Variants in CDK14 observed in about 807,000 individuals in gnomAD.
The protein encoded by CDK14 is cyclin-dependent kinase 14.
In CDK14, 34 loss-of-function variants were observed where a neutral mutation model predicts 60.7. The ratio of observed to expected loss-of-function variants is 0.56; its 90% CI spans 0.43 to 0.75. The LOEUF (loss-of-function observed/expected upper bound fraction) is 0.75. Ranked by LOEUF, CDK14 falls within the 30% of genes least tolerant of loss-of-function variation. The probability of loss-of-function intolerance (pLI) is 0.00; values close to 1 mark genes in which losing one functional copy is unlikely to be tolerated. For synonymous variants in CDK14, 197 were observed against 203.7 expected (o/e 0.97, Z 0.28); for missense variants, 482 against 564.1 (o/e 0.85, Z 1.47).
intron 9 of CDK14, among the ~76,000 whole-genome samples, chr7:90,974,503 C>T (rs988293528): frequency 6.6e-6 from 1 of 152,116 alleles, no homozygotes; most frequent in African/African-American, 2.4e-5. Context: ...CAGCCAGTCC[C>T]TCTGTTCTGG....
In CDK14 at chr7:90,984,048, A is replaced by G. The variant is rs1795312853; in HGVS notation, c.948-100A>G. The G allele has an allele frequency of 3.9e-6, 3 of 777,792 alleles. No homozygotes were observed. The Admixed American group carries it at 6.0e-5, about 16-fold the overall frequency. The allele number at this position is 777,792 out of a possible 1,614,324, so 48.2% of individuals were successfully genotyped here. ...AGGGGAAAAAGGAAACAGTTTACTC[A>G]CCGCTTCTCTTCTGTAGGAGTGGAT... On this transcript the variant is annotated intron_variant, in intron 9 of 14. Coordinates refer to ENST00000380050, the MANE Select transcript of CDK14 (RefSeq NM_001287135.2).
At chr7:90,826,616 T>G (rs1789732085) in intron 5 of CDK14, among the ~76,000 whole-genome samples, 1 of 152,234 alleles carries the variant, frequency 6.6e-6, no homozygotes, top group East Asian at 1.9e-4. Context: ...GGGAGTTTTT[T>G]GTTTTTTAAA....
chr7:91,078,575 A>G (rs778693556), intron 11 of CDK14, among the ~76,000 whole-genome samples: 1 of 152,158 alleles, frequency 6.6e-6, no homozygotes, highest in Non-Finnish European at 1.5e-5. Flanking sequence ...CCATTGCACT[A>G]CAGCGTGGGC....
chr7:90,933,201 G>A (rs1247197420), intron 8 of CDK14, among the ~76,000 whole-genome samples: 1 of 151,148 alleles, frequency 6.6e-6, no homozygotes, highest in Non-Finnish European at 1.5e-5. Flanking sequence ...GATTGCCTGA[G>A]CCCAGGAGGT....
intron 2 of CDK14, among the ~76,000 whole-genome samples, chr7:90,717,864 T>C (rs1802307112): frequency 1.3e-5 from 2 of 152,070 alleles, no homozygotes; most frequent in Non-Finnish European, 2.9e-5. Context: ...GTTTGTGTGC[T>C]CAAGGTGTTT....
chr7:91,036,431 C>T (rs1019134208), intron 10 of CDK14, among the ~76,000 whole-genome samples: 4 of 152,154 alleles, frequency 2.6e-5, no homozygotes, highest in Non-Finnish European at 4.4e-5. Context: ...AACAACACAA[C>T]TTTGGAATTC....
intron 7 of CDK14, among the ~76,000 whole-genome samples, chr7:90,902,989 T>C (rs953721215): frequency 5.9e-5 from 9 of 152,106 alleles, no homozygotes; most frequent in African/African-American, 2.2e-4. Context: ...TAAAACATGC[T>C]CAACATGACT....
chr7:91,142,577 C>A (rs1251861102), intron 14 of CDK14, among the ~76,000 whole-genome samples: 1 of 152,194 alleles, frequency 6.6e-6, no homozygotes, highest in Admixed American at 6.5e-5. Context: ...ACTCAAGTTG[C>A]CTTCTTGGCC....
chr7:90,955,740 C>T lies in CDK14; in HGVS notation c.870C>T (p.Asn290=), dbSNP rs1394156466. Residue 290 remains asparagine (N), a synonymous_variant, in exon 9 of 15, where the codon AAC becomes AAT. Transcript: ENST00000380050. ...AKSVPSHTYS[N]EVVTLWYRPP... ...CCGTCCCTAGCCACACATACTCCAA[C>T]GAAGTGGTTACCTTGTGGTACAGAC... 11 of 1,613,438 alleles carry T rather than the reference C, an allele frequency of 6.8e-6. No homozygotes were observed. The East Asian group carries it at 2.5e-4, about 36-fold the overall frequency.
chr7:91,100,628 G>T (rs780915315), intron 12 of CDK14, among the ~76,000 whole-genome samples: 5 of 152,116 alleles, frequency 3.3e-5, no homozygotes, highest in Admixed American at 6.6e-5. Context: ...TATGTCATAA[G>T]TTAACAGATT....
chr7:90,829,617 C>T (rs6979611), intron 5 of CDK14, among the ~76,000 whole-genome samples: 67,314 of 151,798 alleles, frequency 0.44, 15,795 homozygotes, highest in East Asian at 0.85. Context: ...CGGCAACCTC[C>T]GCCCCCCCAG....
chr7:91,031,075 G>A (rs1796746282), intron 10 of CDK14, among the ~76,000 whole-genome samples: 1 of 152,190 alleles, frequency 6.6e-6, no homozygotes, highest in East Asian at 1.9e-4. Flanking sequence ...AGCCTTCTGT[G>A]CATCAGCCAG....
chr7:90,649,334 T>TTCCTTCCG (rs1800555321), intron 2 of CDK14, among the ~76,000 whole-genome samples: 1 of 47,590 alleles, frequency 2.1e-5, no homozygotes, highest in African/African-American at 1.3e-4. Context: ...CCTTCCTTCC[T>TTCCTTCCG]TCCTTCCTTC....
intron 14 of CDK14, among the ~76,000 whole-genome samples, chr7:91,191,267 C>G (rs1317555889): frequency 6.6e-6 from 1 of 152,062 alleles, no homozygotes; most frequent in Admixed American, 6.5e-5. Flanking sequence ...GCTTCATACA[C>G]CACTGAAACA....
chr7:90,817,136 C>T (rs1394669717), intron 5 of CDK14, among the ~76,000 whole-genome samples: 2 of 152,100 alleles, frequency 1.3e-5, no homozygotes, highest in Non-Finnish European at 2.9e-5. Context: ...AAAAGACTAT[C>T]AAATAATTCC....
chr7:91,104,402 G>T (rs1799228014), intron 12 of CDK14, among the ~76,000 whole-genome samples: 1 of 152,178 alleles, frequency 6.6e-6, no homozygotes, highest in South Asian at 2.1e-4. Flanking sequence ...CCACTCACAG[G>T]AGGGCAGCTT....
In CDK14 at chr7:91,079,923, T is replaced by A. The variant is rs1196913883; in HGVS notation, c.1154+443T>A. ...GCCTTATTGGGAAGCTAAATGCATT[T>A]ATGACTGAAGTGTGTGTTCTCCATT... On this transcript the variant is annotated intron_variant, in intron 12 of 14. Coordinates refer to ENST00000380050, the MANE Select transcript of CDK14 (RefSeq NM_001287135.2). 2.6e-5 allele frequency among the ~76,000 whole-genome samples: 4 copies of A among 152,350 alleles called. No homozygotes were observed. The East Asian group carries it at 7.7e-4, about 29-fold the overall frequency.
chr7:90,697,936 C>T (rs1212574257), intron 2 of CDK14, among the ~76,000 whole-genome samples: 13 of 151,552 alleles, frequency 8.6e-5, no homozygotes, highest in Admixed American at 3.3e-4. Flanking sequence ...GGCATGGTGG[C>T]GGGCGCCTGT....
chr7:90,797,007 G>T (rs746324197), intron 5 of CDK14, among the ~76,000 whole-genome samples: 3 of 151,774 alleles, frequency 2.0e-5, no homozygotes, highest in Admixed American at 1.3e-4. Context: ...ACTGATTTGT[G>T]TATGTTGATT....
Sources: allele counts gnomAD v4.1 joint callset (sites outside exome capture counted in the v4.1 genomes callset), GRCh38; gene constraint gnomAD v4.1.1; transcripts MANE v1.5; gene names NCBI Gene and HGNC (gene_info 2026-07-23, HGNC 2026-07-21).